MICAL3: variants seen among roughly 807,000 people sequenced by gnomAD.
MICAL3 encodes microtubule associated monooxygenase, calponin and LIM domain containing 3.
A neutral mutation model predicts 207.4 loss-of-function variants in MICAL3; 62 were observed. That is an observed-to-expected ratio of 0.30 (90% CI 0.24 to 0.37). The LOEUF (loss-of-function observed/expected upper bound fraction) is 0.37, where lower values mean the gene tolerates loss of function less well. Among genes scored for constraint, MICAL3 ranks in the 10% least tolerant of loss-of-function variants. The pLI is 1.00. For synonymous variants in MICAL3, 1,077 were observed against 1,069.3 expected, an observed-to-expected ratio of 1.01 and a Z score of -0.14; for missense variants, 2,368 against 2,635.6, an observed-to-expected ratio of 0.90 and a Z score of 2.22.
At chr22:17,836,074 A>G (rs1005698144) in intron 20 of MICAL3, among the ~76,000 whole-genome samples, 4 of 152,162 alleles carry the variant, frequency 2.6e-5, no homozygotes. Context: ...TACTCAACTC[A>G]AAGCACCTGC....
At chr22:17,930,881 T>A (rs1406663697) in intron 1 of MICAL3, among the ~76,000 whole-genome samples, 3 of 152,244 alleles carry the variant, frequency 2.0e-5, no homozygotes, top group Non-Finnish European at 2.9e-5. Flanking sequence ...CTCCTCTTCC[T>A]CACGCTGGCC....
intron 31 of MICAL3, 21 bp downstream of exon 31, chr22:17,790,977 T>C (rs371300593): frequency 7.5e-6 from 12 of 1,610,702 alleles, no homozygotes; most frequent in African/African-American, 2.7e-5. Flanking sequence ...CTGGCCTCCA[T>C]GGGTGCCTTA....
intron 29 of MICAL3, among the ~76,000 whole-genome samples, chr22:17,799,329 T>G (rs1464281085): frequency 6.6e-6 from 1 of 151,794 alleles, no homozygotes; most frequent in Admixed American, 6.6e-5. Flanking sequence ...TTGCAGTGAG[T>G]GGAGATGGCG....
intron 1 of MICAL3, among the ~76,000 whole-genome samples, chr22:17,966,234 A>G (rs1242880620): frequency 6.6e-6 from 1 of 151,462 alleles, no homozygotes; most frequent in Non-Finnish European, 1.5e-5. Flanking sequence ...GCTTCATCCC[A>G]CTTTCCCTGA....
At chr22:17,882,541 C>G (rs2146211188) in intron 16 of MICAL3, among the ~76,000 whole-genome samples, 1 of 152,360 alleles carries the variant, frequency 6.6e-6, no homozygotes, top group African/African-American at 2.4e-5. Flanking sequence ...CTCCAACTCT[C>G]TTTCAGGAGA....
At chr22:17,997,543 T>A (rs1193373987) in intron 1 of MICAL3, among the ~76,000 whole-genome samples, 1 of 152,130 alleles carries the variant, frequency 6.6e-6, no homozygotes, top group African/African-American at 2.4e-5. Flanking sequence ...CCACCTCCCA[T>A]CAGACCTGGG....
chr22:17,806,097 G>A (rs2061986288), intron 29 of MICAL3, among the ~76,000 whole-genome samples: 1 of 152,204 alleles, frequency 6.6e-6, no homozygotes, highest in East Asian at 1.9e-4. Context: ...GCTGCCAGGT[G>A]AGCTTGATTT....
chr22:17,821,334 A>G, intron 25 of MICAL3, 93 bp downstream of exon 25: 1 of 1,122,760 alleles, frequency 8.9e-7, no homozygotes, highest in South Asian at 1.5e-5. Flanking sequence ...TCTTGGTGGG[A>G]CCCACACCAT....
At chr22:17,988,974 T>C (rs1299813530) in intron 1 of MICAL3, among the ~76,000 whole-genome samples, 1 of 152,034 alleles carries the variant, frequency 6.6e-6, no homozygotes, top group Non-Finnish European at 1.5e-5. Flanking sequence ...CCTAAAACAT[T>C]TACCTTCCGG....
intron 1 of MICAL3, among the ~76,000 whole-genome samples, chr22:18,022,199 T>C (rs759916777): frequency 2.0e-5 from 3 of 152,084 alleles, no homozygotes; most frequent in Non-Finnish European, 4.4e-5. Context: ...AGGAAACTTT[T>C]TGCCGCCCAC....
At position 17,841,790 on chromosome 22, in the gene MICAL3, C is replaced by T. The variant is rs772711083; in HGVS notation, c.2801+32G>A. On this transcript the variant is annotated intron_variant, in intron 20 of 31. Transcript: ENST00000441493. This position sits in a 1 kb window ranked among gnomAD's most constrained non-coding sequence, Gnocchi z 4.2. ...TGAGGAGGCTCTTAGGGCCGTGTGG[C>T]GGGTGGGCGCCCTGCAGCCCTGCGT... 2.1e-5 allele frequency: 32 copies of T among 1,537,502 alleles called. No individual in the cohort carries two copies. The highest frequency in any genetic ancestry group is 4.9e-5 in the East Asian group (2 of 40,796).
At chr22:17,988,783 G>GA (rs545769923) in intron 1 of MICAL3, among the ~76,000 whole-genome samples, 29 of 152,148 alleles carry the variant, frequency 1.9e-4, no homozygotes, top group South Asian at 8.3e-4. Flanking sequence ...AAGGGCTGGG[G>GA]AAAAAAATTA....
At chr22:17,967,486 A>ACCCACACC (rs60259078) in intron 1 of MICAL3, among the ~76,000 whole-genome samples, 4 of 145,708 alleles carry the variant, frequency 2.7e-5, no homozygotes, top group Admixed American at 6.9e-5. Context: ...ACACACACAC[A>ACCCACACC]CACACACCCA....
chr22:17,898,331 C>T lies in MICAL3; in HGVS notation c.948+1117G>A, dbSNP rs375019667. Among the ~76,000 whole-genome samples the T allele has an allele frequency of 9.2e-5, 14 of 152,346 alleles. 1 individual carries two copies. Among genetic ancestry groups the T allele is most frequent in the African/African-American group, 3.4e-4 (14 of 41,586 alleles). On this transcript the variant is annotated intron_variant, in intron 7 of 31. Transcript: ENST00000441493. The stretch of plus-strand genomic sequence containing the variant: ...CAAGGCAATTTTAGAAAGCATCTAA[C>T]CAGATACGTCTTGCTTATGCTTTTG...
intron 1 of MICAL3, among the ~76,000 whole-genome samples, chr22:17,941,879 G>C (rs1265256324): frequency 6.6e-6 from 1 of 152,172 alleles, no homozygotes; most frequent in Non-Finnish European, 1.5e-5. Context: ...AGTGCCTCCA[G>C]GGCCCAGGAG....
chr22:17,856,025 G>A (rs1159849311), intron 19 of MICAL3, among the ~76,000 whole-genome samples: 1 of 152,230 alleles, frequency 6.6e-6, no homozygotes, highest in Non-Finnish European at 1.5e-5. Flanking sequence ...TGCAACATGG[G>A]GCCTGCCTCC....
At chr22:18,004,847 T>C (rs1285755773) in intron 1 of MICAL3, 1 of 152,202 alleles carries the variant, frequency 6.6e-6, no homozygotes, top group Non-Finnish European at 1.5e-5. Context: ...CACAACGCAA[T>C]ACTGTCTTGA....
intron 1 of MICAL3, among the ~76,000 whole-genome samples, chr22:17,909,499 T>G (rs1416211106): frequency 6.6e-6 from 1 of 152,224 alleles, no homozygotes; most frequent in East Asian, 1.9e-4. Context: ...CACTCCAGCC[T>G]CAGCGACAGA....
intron 27 of MICAL3, chr22:17,813,414 T>C (rs1209355072): frequency 1.3e-5 from 2 of 152,232 alleles, no homozygotes; most frequent in Admixed American, 1.3e-4. Context: ...GGGGCGGCCT[T>C]GTGCGGAGCT....
Sources: gnomAD v4.1 joint callset for allele counts (sites outside exome capture counted in the v4.1 genomes callset) on GRCh38, gnomAD v4.1.1 for gene constraint, Gnocchi (gnomAD v3.1) non-coding constraint, MANE v1.5 for transcripts, NCBI Gene and HGNC (gene_info 2026-07-23, HGNC 2026-07-21) for gene names.